Variants in PDXDC1 observed in about 807,000 individuals in gnomAD.
The protein encoded by PDXDC1 is pyridoxal dependent decarboxylase domain containing 1, also known as pyridoxal-dependent decarboxylase domain-containing protein 1.
Under a neutral mutation model 100.1 loss-of-function variants are expected in PDXDC1, and 42 were observed. That is an observed-to-expected ratio of 0.42 (90% CI 0.33 to 0.54). The LOEUF is 0.54. Among genes scored for constraint, PDXDC1 ranks in the 20% least tolerant of loss-of-function variants. The probability of loss-of-function intolerance (pLI) is 0.10; values close to 1 mark genes in which losing one functional copy is unlikely to be tolerated. For synonymous variants in PDXDC1, 260 were observed against 371.7 expected (o/e 0.70, Z 3.46); for missense variants, 636 against 979.2 (o/e 0.65, Z 4.68).
At chr16:14,976,387 A>G (rs548881339) in intron 1 of PDXDC1, among the ~76,000 whole-genome samples, 419 of 152,250 alleles carry the variant, frequency 2.8e-3, no homozygotes, top group African/African-American at 9.7e-3. Flanking sequence ...GTTGAAGGCA[A>G]TAATTGTAAA....
chr16:15,028,751 G>A (rs2042822948), intron 14 of PDXDC1, 127 bp from the exon 15 acceptor site: 1 of 814,430 alleles, frequency 1.2e-6, no homozygotes, highest in Non-Finnish European at 2.0e-6. Context: ...TAATACATGA[G>A]AATTCAGTAA....
chr16:14,993,483 T>TA (rs1306612374), intron 1 of PDXDC1, among the ~76,000 whole-genome samples: 2 of 152,288 alleles, frequency 1.3e-5, no homozygotes, highest in African/African-American at 4.8e-5. Flanking sequence ...CACCATTTTT[T>TA]ATGGCTGCAT....
chr16:15,093,708 T>C (rs933053353), intron 16 of PDXDC1, among the ~76,000 whole-genome samples: 3 of 152,112 alleles, frequency 2.0e-5, no homozygotes, highest in African/African-American at 2.4e-5. Flanking sequence ...TGGAGCAAAA[T>C]AAAGACTGCG....
At chr16:15,080,115 G>C (rs962966633) in intron 16 of PDXDC1, 2 of 1,585,880 alleles carry the variant, frequency 1.3e-6, no homozygotes, top group Non-Finnish European at 1.7e-6. Flanking sequence ...GAAAATGTAA[G>C]ATAAAACATT....
chr16:15,061,956 G>T (rs368517286), intron 16 of PDXDC1: 4 of 1,525,904 alleles, frequency 2.6e-6, no homozygotes, highest in African/African-American at 1.4e-5. Flanking sequence ...TGACTGAAAA[G>T]CTTTCAACAA....
intron 16 of PDXDC1, among the ~76,000 whole-genome samples, chr16:15,078,684 GGT>G: frequency 6.6e-6 from 1 of 152,052 alleles, no homozygotes; most frequent in Admixed American, 6.6e-5. Flanking sequence ...TCTTTCCAAA[GGT>G]TTATGCTCAG....
chr16:15,013,214 T>TG (rs1265294449), intron 8 of PDXDC1, among the ~76,000 whole-genome samples: 4 of 152,214 alleles, frequency 2.6e-5, no homozygotes. Flanking sequence ...CCAGGTGTGG[T>TG]GGTGGGCACC....
chr16:15,036,352 C>A lies in PDXDC1; in HGVS notation c.*77C>A. 1.5e-6 allele frequency: 2 copies of A among 1,291,788 alleles called. No individual in the cohort carries two copies. Among genetic ancestry groups the A allele is most frequent in the Non-Finnish European group, 2.2e-6 (2 of 922,060 alleles). The allele number at this position is 1,291,788 out of a possible 1,614,324, so 80.0% of individuals were successfully genotyped here. ...AGTTCTATTGGAAATGTGAACTGTG[C>A]CACATACTAATATAAATTACTGTTG... is the stretch of plus-strand genomic sequence containing the variant. On this transcript the variant is annotated 3_prime_UTR_variant, in exon 23 of 23. Transcript: ENST00000396410.
At chr16:14,991,116 C>G (rs1446092366) in intron 1 of PDXDC1, among the ~76,000 whole-genome samples, 1 of 152,278 alleles carries the variant, frequency 6.6e-6, no homozygotes, top group Non-Finnish European at 1.5e-5. Context: ...AGAGATTCAC[C>G]TGGGGATTGT....
At chr16:15,012,194 C>A (rs1329441500) in intron 8 of PDXDC1, among the ~76,000 whole-genome samples, 4 of 152,202 alleles carry the variant, frequency 2.6e-5, no homozygotes, top group Non-Finnish European at 5.9e-5. Flanking sequence ...ACCTCTGCCT[C>A]CCGGGTTCCA....
chr16:15,019,875 G>A lies in PDXDC1; in HGVS notation c.1089+910G>A, dbSNP rs1473871144. Reference sequence around the variant, plus strand: ...CGCCTGTAATTCCAGCACTTTGGGAGGCTGAAGCGGGTGGATCACAAGGTC... The same window carrying A: ...CGCCTGTAATTCCAGCACTTTGGGAAGCTGAAGCGGGTGGATCACAAGGTC... On this transcript the variant is annotated intron_variant, in intron 12 of 22. Coordinates refer to ENST00000396410, the MANE Select transcript of PDXDC1 (RefSeq NM_015027.4). Among the ~76,000 whole-genome samples the A allele has an allele frequency of 4.6e-5, 7 of 152,270 alleles. No homozygotes were observed. The East Asian group carries it at 9.6e-4, about 21-fold the overall frequency.
rs1207564548 is a variant in PDXDC1, at chr16:15,091,188, C to G, written c.1400-47691C>G. ...TAAAACTGTCCCTGGTTGAGAACCA[C>G]CAGATTAAAATAAGGGAGGACCATG... On this transcript the variant is annotated intron_variant, in intron 16 of 16. Transcript: ENST00000535621. 75 of 1,082,734 alleles carry G rather than the reference C, an allele frequency of 6.9e-5. No individual in the cohort carries two copies. In the Admixed American group the frequency reaches 2.1e-3, roughly 30 times the overall value. The allele number at this position is 1,082,734 out of a possible 1,614,324, so 67.1% of individuals were successfully genotyped here.
intron 16 of PDXDC1, chr16:15,044,505 G>A (rs2043964630): frequency 1.2e-6 from 1 of 806,860 alleles, no homozygotes; most frequent in South Asian, 1.4e-5. Context: ...ATGAACACTT[G>A]CTCTACAGCA....
intron 19 of PDXDC1, among the ~76,000 whole-genome samples, chr16:15,033,660 G>A (rs932147332): frequency 2.4e-4 from 37 of 152,184 alleles, no homozygotes; most frequent in African/African-American, 8.7e-4. Flanking sequence ...TAGAGAAGAG[G>A]GCGGGTAGCT....
chr16:15,095,848 C>CA (rs770655135), intron 16 of PDXDC1, among the ~76,000 whole-genome samples: 9,592 of 124,414 alleles, frequency 0.077, 467 homozygotes, highest in Non-Finnish European at 0.11. Flanking sequence ...AACTGTGTCT[C>CA]AAAAAAAAAA....
At chr16:15,042,742 T>TTATTTATTTATC (rs1183422394), downstream of PDXDC1, among the ~76,000 whole-genome samples, 1 of 147,248 alleles carries the variant, frequency 6.8e-6, no homozygotes, top group Non-Finnish European at 1.5e-5. Flanking sequence ...ATTTATTTAT[T>TTATTTATTTATC]TATTTATTGA....
At chr16:15,059,105 C>T (rs1160942824) in intron 16 of PDXDC1, among the ~76,000 whole-genome samples, 3 of 152,216 alleles carry the variant, frequency 2.0e-5, no homozygotes, top group African/African-American at 7.2e-5. Flanking sequence ...CCTGCACCTT[C>T]GAATCACCAG....
At chr16:14,984,041 T>C (rs1365990020) in intron 1 of PDXDC1, among the ~76,000 whole-genome samples, 4 of 152,264 alleles carry the variant, frequency 2.6e-5, no homozygotes, top group Non-Finnish European at 4.4e-5. Flanking sequence ...CATGCACCTG[T>C]AGTCCCAGCT....
chr16:15,094,004 T>C, intron 16 of PDXDC1: 2 of 735,578 alleles, frequency 2.7e-6, no homozygotes, highest in South Asian at 3.1e-5. Flanking sequence ...TGAGCTCATT[T>C]CTGTGAACGT....
Sources: gnomAD v4.1 joint callset for allele counts (sites outside exome capture counted in the v4.1 genomes callset) on GRCh38, gnomAD v4.1.1 for gene constraint, MANE v1.5 for transcripts, NCBI Gene and HGNC (gene_info 2026-07-23, HGNC 2026-07-21) for gene names.